HIP1: variants seen among roughly 807,000 people sequenced by gnomAD.
The protein encoded by HIP1 is huntingtin-interacting protein 1.
In HIP1, 65 loss-of-function variants were observed where a neutral mutation model predicts 147.6. That is an observed-to-expected ratio of 0.44 (90% CI 0.36 to 0.54). The LOEUF is 0.54. HIP1 is among the 20% of genes least tolerant of loss of function. HIP1 has a pLI of 0.00. For synonymous variants in HIP1, 479 were observed against 504.0 expected, an observed-to-expected ratio of 0.95 and a Z score of 0.67; for missense variants, 1,061 against 1,299.6, an observed-to-expected ratio of 0.82 and a Z score of 2.82.
At chr7:75,623,321 G>A (rs1054918387) in intron 1 of HIP1, among the ~76,000 whole-genome samples, 1 of 152,108 alleles carries the variant, frequency 6.6e-6, no homozygotes, top group African/African-American at 2.4e-5. Flanking sequence ...GCTGTGAAGA[G>A]GGACAGAGAG....
intron 1 of HIP1, among the ~76,000 whole-genome samples, chr7:75,624,309 C>T (rs587696792): frequency 3.9e-5 from 6 of 152,250 alleles, no homozygotes; most frequent in South Asian, 4.1e-4. Flanking sequence ...TTGCTAATTC[C>T]GGAGGTGGAT....
chr7:75,720,786 C>T (rs569893362), intron 1 of HIP1, among the ~76,000 whole-genome samples: 1 of 152,062 alleles, frequency 6.6e-6, no homozygotes, highest in Admixed American at 6.6e-5. Context: ...CGCCTATAAT[C>T]CCAGCACTTT....
chr7:75,651,711 T>C (rs1798995342), intron 1 of HIP1, among the ~76,000 whole-genome samples: 3 of 152,136 alleles, frequency 2.0e-5, no homozygotes, highest in African/African-American at 7.2e-5. Context: ...ACTCAACTTC[T>C]CTGTGCCTCA....
chr7:75,720,556 C>G (rs1490920311), intron 1 of HIP1, among the ~76,000 whole-genome samples: 4 of 152,200 alleles, frequency 2.6e-5, no homozygotes, highest in African/African-American at 9.6e-5. Flanking sequence ...AGAAACATAT[C>G]TGTGGCTGCC....
intron 1 of HIP1, among the ~76,000 whole-genome samples, chr7:75,654,153 G>A (rs1799076574): frequency 6.6e-6 from 1 of 152,106 alleles, no homozygotes; most frequent in Non-Finnish European, 1.5e-5. Flanking sequence ...CCAGCACTGT[G>A]GGAGGCCAAG....
At chr7:75,541,711 C>A (rs1319887531) in intron 29 of HIP1, among the ~76,000 whole-genome samples, 1 of 116,774 alleles carries the variant, frequency 8.6e-6, no homozygotes, top group Middle Eastern at 4.1e-3. Context: ...AGAAAAAAAA[C>A]AAAACAAGAC....
Position 75,674,587 on chromosome 7 carries a change from G to A in HIP1, c.120+64214C>T, listed in dbSNP as rs375872393. ...GGCTCACTGAAAGCTACGCCTCCTG[G>A]GTTCATGCCATTCTCCTGCCTCAGC... On this transcript the variant is annotated intron_variant, in intron 1 of 30. Transcript: ENST00000336926. Among the ~76,000 whole-genome samples the A allele has an allele frequency of 1.7e-3, 260 of 151,410 alleles. 2 individuals carry two copies. Among genetic ancestry groups the A allele is most frequent in the African/African-American group, 6.0e-3 (247 of 41,254 alleles).
intron 1 of HIP1, among the ~76,000 whole-genome samples, chr7:75,703,912 G>A (rs1427405868): frequency 1.3e-5 from 2 of 152,120 alleles, no homozygotes; most frequent in African/African-American, 2.4e-5. Flanking sequence ...CTGAGCTCCT[G>A]GCCAGAGCTG....
At position 75,586,740 on chromosome 7, in the gene HIP1, C is replaced by T. The variant is rs368456748; in HGVS notation, c.465+13G>A. Reference sequence around the variant, plus strand: ...AGGCGGCGGTGGCGGCAGAACTGTCCGCAGAGACTCACTTTGGTGTGGTAC... The same window carrying T: ...AGGCGGCGGTGGCGGCAGAACTGTCTGCAGAGACTCACTTTGGTGTGGTAC... On this transcript the variant is annotated intron_variant, in intron 5 of 30. Coordinates refer to ENST00000336926, the MANE Select transcript of HIP1 (RefSeq NM_005338.7). 1.3e-4 allele frequency: 209 copies of T among 1,584,960 alleles called. No homozygotes were observed. Among genetic ancestry groups the T allele is most frequent in the Non-Finnish European group, 1.7e-4 (197 of 1,154,058 alleles).
At chr7:75,539,617 G>A (rs1366089782) in intron 29 of HIP1, among the ~76,000 whole-genome samples, 186 bp from the exon 30 acceptor site, 5 of 152,144 alleles carry the variant, frequency 3.3e-5, no homozygotes, top group Non-Finnish European at 7.3e-5. Context: ...ACCATGCCCA[G>A]CCTACATCTA....
chr7:75,626,602 G>A (rs1360262893), intron 1 of HIP1: 1 of 152,178 alleles, frequency 6.6e-6, no homozygotes, highest in African/African-American at 2.4e-5. Context: ...GACCTCAGTA[G>A]CCCACCCAGG....
intron 1 of HIP1, among the ~76,000 whole-genome samples, chr7:75,645,682 A>G (rs1266785633): frequency 1.3e-5 from 2 of 152,234 alleles, no homozygotes; most frequent in African/African-American, 4.8e-5. Context: ...AAGACATGGC[A>G]TCAACCCAGG....
intron 30 of HIP1, 110 bp from the exon 31 acceptor site, chr7:75,538,334 A>C: frequency 1.2e-6 from 1 of 842,076 alleles, no homozygotes; most frequent in Non-Finnish European, 2.1e-6. Context: ...AATTATAACC[A>C]TGGTGTAATC....
intron 1 of HIP1, among the ~76,000 whole-genome samples, chr7:75,683,383 G>T (rs1800159138): frequency 6.6e-6 from 1 of 152,154 alleles, no homozygotes; most frequent in Admixed American, 6.5e-5. Context: ...CCCCAAAAGG[G>T]GTTCCTGGCC....
intron 1 of HIP1, among the ~76,000 whole-genome samples, chr7:75,627,150 T>G (rs1798072015): frequency 2.0e-5 from 3 of 152,166 alleles, no homozygotes. Flanking sequence ...CAGGGTCCAG[T>G]GCACTCAAGG....
chr7:75,628,127 A>T (rs1292832839), intron 1 of HIP1, among the ~76,000 whole-genome samples: 3 of 152,162 alleles, frequency 2.0e-5, no homozygotes, highest in African/African-American at 7.2e-5. Flanking sequence ...ACCTTCCAAC[A>T]GCCTACAAAA....
chr7:75,728,258 T>A (rs1801716633), intron 1 of HIP1, among the ~76,000 whole-genome samples: 1 of 152,154 alleles, frequency 6.6e-6, no homozygotes, highest in Non-Finnish European at 1.5e-5. Flanking sequence ...GATGCCATTC[T>A]CTCTTCCTCT....
At chr7:75,670,496 G>A (rs1252524746) in intron 1 of HIP1, among the ~76,000 whole-genome samples, 3 of 152,000 alleles carry the variant, frequency 2.0e-5, no homozygotes, top group Admixed American at 6.6e-5. Context: ...CCATTCAGTG[G>A]TACTAAATAT....
In HIP1 at chr7:75,705,361, CT is replaced by C. The variant is rs869130124; in HGVS notation, c.120+33439del. Among the ~76,000 whole-genome samples the C allele has an allele frequency of 4.3e-3, 620 of 145,528 alleles. 7 individuals are homozygous for C. The highest frequency in any genetic ancestry group is 0.013 in the African/African-American group (517 of 39,914). ...TAGCATGTAACAGCAGGATCTCTAC[CT>C]TTTTTTTTTTTCTTTTTTTTTTGAG... On this transcript the variant is annotated intron_variant, in intron 1 of 30. Coordinates refer to ENST00000336926, the MANE Select transcript of HIP1 (RefSeq NM_005338.7).
Sources: gnomAD v4.1 joint callset for allele counts (sites outside exome capture counted in the v4.1 genomes callset) on GRCh38, gnomAD v4.1.1 for gene constraint, MANE v1.5 for transcripts, NCBI Gene and HGNC (gene_info 2026-07-23, HGNC 2026-07-21) for gene names.